VRK3: variants seen among roughly 807,000 people sequenced by gnomAD.
The protein encoded by VRK3 is VRK serine/threonine kinase 3.
In VRK3, 50 loss-of-function variants were observed where a neutral mutation model predicts 60.4. That is an observed-to-expected ratio of 0.83 (90% CI 0.66 to 1.05). The LOEUF (loss-of-function observed/expected upper bound fraction) is 1.05, where lower values mean the gene tolerates loss of function less well. Ranked by LOEUF, VRK3 falls within the 50% of genes least tolerant of loss-of-function variation. VRK3 has a pLI of 0.00. For missense variants in VRK3, 549 were observed against 585.3 expected, an observed-to-expected ratio of 0.94 and a Z score of 0.64; for synonymous variants, 246 against 227.8, an observed-to-expected ratio of 1.08 and a Z score of -0.72.
chr19:49,980,291 A>C (rs149836494), intron 13 of VRK3, among the ~76,000 whole-genome samples: 1 of 152,214 alleles, frequency 6.6e-6, no homozygotes, highest in African/African-American at 2.4e-5. Context: ...GTGCGGACAA[A>C]CCATGACCAT....
At chr19:49,989,826 A>G in intron 10 of VRK3, 55 bp from the exon 11 acceptor site, 1 of 1,520,804 alleles carries the variant, frequency 6.6e-7, no homozygotes, top group South Asian at 1.3e-5. Context: ...TAGAAGTCAG[A>G]GATTTCCATC....
chr19:50,012,047 C>T (rs2077003420), intron 3 of VRK3, among the ~76,000 whole-genome samples: 1 of 151,912 alleles, frequency 6.6e-6, no homozygotes, highest in Admixed American at 6.6e-5. Context: ...TCTTGGCTCA[C>T]CGCAACCTCT....
At chr19:49,981,196 A>G (rs533929047) in intron 12 of VRK3, 183 bp from the exon 13 acceptor site, 16 of 632,644 alleles carry the variant, frequency 2.5e-5, no homozygotes, top group African/African-American at 3.6e-5. Flanking sequence ...CATTGCTCCC[A>G]AGGGAAACAG....
At chr19:50,010,154 TAC>T (rs1160078797) in intron 3 of VRK3, among the ~76,000 whole-genome samples, 1 of 152,154 alleles carries the variant, frequency 6.6e-6, no homozygotes, top group African/African-American at 2.4e-5. Context: ...CATATACATA[TAC>T]ACACATACAA....
At chr19:49,992,390 G>A (rs1375006252) in intron 10 of VRK3, among the ~76,000 whole-genome samples, 3 of 152,330 alleles carry the variant, frequency 2.0e-5, no homozygotes, top group East Asian at 1.9e-4. Context: ...GGCAACAAGA[G>A]TGAAACTCCA....
intron 12 of VRK3, chr19:49,981,793 G>GACACAC (rs150610662): frequency 2.2e-5 from 23 of 1,026,306 alleles, no homozygotes; most frequent in Middle Eastern, 4.6e-4. Flanking sequence ...CACACACACA[G>GACACAC]ACACACACAC....
chr19:49,979,191 T>C lies in VRK3; in HGVS notation c.1328A>G (p.Lys443Arg). The change falls in exon 14 of 15, where the codon AAG becomes AGG. Residue 443 changes from lysine (K) to arginine (R), a missense_variant. Coordinates refer to ENST00000316763, the MANE Select transcript of VRK3 (RefSeq NM_016440.4). The stretch of plus-strand genomic sequence containing the variant: ...GTTCCTCAGCATGGCGTAGGGCGGC[T>C]TCTCCTCATACGTGAGGGCCATCAC... ...KVVMALTYEE[K>R]PPYAMLRNNL... 6.2e-7 allele frequency: 1 copy of C among 1,614,044 alleles called. No individual in the cohort carries two copies. Among genetic ancestry groups the C allele is most frequent in the Non-Finnish European group, 8.5e-7 (1 of 1,180,014 alleles).
At chr19:49,980,871 G>GT (rs1204831027) in intron 13 of VRK3, 84 bp downstream of exon 13, 58 of 1,273,928 alleles carry the variant, frequency 4.6e-5, no homozygotes, top group Non-Finnish European at 6.0e-5. Flanking sequence ...ATGAAGAGGT[G>GT]TAAGGAGAAG....
chr19:50,009,248 C>G lies in VRK3; in HGVS notation c.277G>C (p.Glu93Gln). The change falls in exon 4 of 15, where the codon GAG becomes CAG. Residue 93 changes from glutamate (E) to glutamine (Q), a missense_variant. Transcript: ENST00000316763. ...SESEDTLSSS[E>Q]RSKGSGSRPP... ...CCTTAACTCTTACCTTTGGATCTCT[C>G]AGAGGAACTCAGAGTATCTTCAGAC... 6.2e-7 allele frequency: 1 copy of G among 1,614,050 alleles called. No homozygotes were observed. Among genetic ancestry groups the G allele is most frequent in the South Asian group, 1.1e-5 (1 of 91,062 alleles).
At chr19:49,981,917 C>G in intron 12 of VRK3, 2 of 830,226 alleles carry the variant, frequency 2.4e-6, no homozygotes, top group South Asian at 4.3e-5. Context: ...GGCTCGACTT[C>G]AGGAGGTCAT....
chr19:50,002,550 C>T lies in VRK3; in HGVS notation c.548-1696G>A, dbSNP rs1027140939. On this transcript the variant is annotated intron_variant, in intron 5 of 14. Coordinates refer to ENST00000316763, the MANE Select transcript of VRK3 (RefSeq NM_016440.4). ...AATGACAATGCGTACGTGCCCGGTA[C>T]TCAGAGGCAAGCAGGAAAAGCTGGC... Among the ~76,000 whole-genome samples the T allele has an allele frequency of 2.6e-5, 4 of 152,160 alleles. 1 individual carries two copies. Among genetic ancestry groups the T allele is most frequent in the Non-Finnish European group, 5.9e-5 (4 of 68,036 alleles).
intron 7 of VRK3, among the ~76,000 whole-genome samples, chr19:49,996,629 T>G (rs2076709108): frequency 6.6e-6 from 1 of 152,236 alleles, no homozygotes; most frequent in East Asian, 1.9e-4. Flanking sequence ...ATTTTATATA[T>G]TTTTTGAGAC....
In VRK3 at chr19:49,988,328, TTCTGCTGACCACCTGCAGGGGTTCTGC is replaced by T. The variant is rs1284362761; in HGVS notation, c.1217+17_1217+43del. 6.4e-7 allele frequency: 1 copy of T among 1,564,384 alleles called. No individual in the cohort carries two copies. Among genetic ancestry groups the T allele is most frequent in the East Asian group, 2.3e-5 (1 of 43,946 alleles). ...CTGGGCTTCTGTCCACCTGCAGGGG[TTCTGCTGACCACCTGCAGGGGTTCTGC>T]TGACCCCTAGACTCACTTCTGTTTT... is the stretch of plus-strand genomic sequence containing the variant. On this transcript the variant is annotated intron_variant, in intron 12 of 14. Transcript: ENST00000316763.
intron 9 of VRK3, 88 bp downstream of exon 9, chr19:49,994,726 C>T (rs979076516): frequency 1.7e-5 from 20 of 1,202,088 alleles, no homozygotes; most frequent in African/African-American, 4.6e-5. Flanking sequence ...GGGTGGGGGC[C>T]GGAAGTGTCA....
Position 49,995,183 on chromosome 19 carries a change from C to T in VRK3, c.764+8G>A. The T allele has an allele frequency of 6.2e-7, 1 of 1,613,826 alleles. No individual in the cohort carries two copies. The highest frequency in any genetic ancestry group is 8.5e-7 in the Non-Finnish European group (1 of 1,179,746). ...CCGGTGAGGCAAGCAGTGAGCAGAGCAGCTCACCTGTATTTGTCCTGGTGA... is the reference window on the plus strand; with the variant it reads ...CCGGTGAGGCAAGCAGTGAGCAGAGTAGCTCACCTGTATTTGTCCTGGTGA... On this transcript the variant is annotated splice_region_variant and intron_variant, in intron 8 of 14. Transcript: ENST00000316763.
intron 13 of VRK3, 35 bp downstream of exon 13, chr19:49,980,920 A>C: frequency 6.3e-7 from 1 of 1,592,568 alleles, no homozygotes; most frequent in Non-Finnish European, 8.6e-7. Flanking sequence ...GTCCTGCCCG[A>C]GTCCCCGCCT....
At chr19:49,999,052 G>A (rs1252300303) in intron 6 of VRK3, 1 of 151,376 alleles carries the variant, frequency 6.6e-6, no homozygotes, top group Non-Finnish European at 1.5e-5. Flanking sequence ...GAACCTAGGA[G>A]GCTGTGGCTG....
chr19:50,012,046 A>G (rs2077003376), intron 3 of VRK3, among the ~76,000 whole-genome samples: 1 of 148,856 alleles, frequency 6.7e-6, no homozygotes, highest in South Asian at 2.1e-4. Context: ...ATCTTGGCTC[A>G]CCGCAACCTC....
chr19:49,982,652 A>C (rs1031090695), intron 12 of VRK3, among the ~76,000 whole-genome samples: 60 of 152,314 alleles, frequency 3.9e-4, no homozygotes, highest in Non-Finnish European at 7.6e-4. Flanking sequence ...GTGGCCATGA[A>C]AGAACAGCAA....
Sources: gnomAD v4.1 joint callset for allele counts (sites outside exome capture counted in the v4.1 genomes callset) on GRCh38, gnomAD v4.1.1 for gene constraint, MANE v1.5 for transcripts, NCBI Gene and HGNC (gene_info 2026-07-23, HGNC 2026-07-21) for gene names.